Variants in DPY19L3 observed in about 807,000 individuals in gnomAD.
DPY19L3 encodes protein C-mannosyl-transferase DPY19L3.
A neutral mutation model predicts 92.3 loss-of-function variants in DPY19L3; 51 were observed. That is an observed-to-expected ratio of 0.55 (90% CI 0.44 to 0.70). The LOEUF (loss-of-function observed/expected upper bound fraction) is 0.70. DPY19L3 is among the 30% of genes least tolerant of loss of function. DPY19L3 has a pLI of 0.00. For synonymous variants in DPY19L3, 309 were observed against 315.2 expected, an observed-to-expected ratio of 0.98 and a Z score of 0.21; for missense variants, 706 against 855.9, an observed-to-expected ratio of 0.82 and a Z score of 2.18.
At position 32,436,644 on chromosome 19, in the gene DPY19L3, C is replaced by A. The variant is rs547592389; in HGVS notation, c.450+77C>A. 1.5e-5 allele frequency: 19 copies of A among 1,232,312 alleles called. No homozygotes were observed. In the East Asian group the frequency reaches 4.6e-4, roughly 30 times the overall value. 76.3% of individuals were successfully genotyped at this position (1,232,312 alleles called of 1,614,324 possible). ...CATTTTGAACTGAAAGTTATCACAT[C>A]GTTCTTTCTGATCTTCAACTGGTTT... On this transcript the variant is annotated intron_variant, in intron 5 of 18. Coordinates refer to ENST00000392250, the MANE Select transcript of DPY19L3 (RefSeq NM_001172774.2).
chr19:32,460,055 GT>G (rs1969988432), intron 12 of DPY19L3, among the ~76,000 whole-genome samples: 1 of 152,120 alleles, frequency 6.6e-6, no homozygotes, highest in Non-Finnish European at 1.5e-5. Context: ...ACTGTAGGCA[GT>G]TGTAACACAA....
At chr19:32,435,039 G>C (rs1447959825) in intron 4 of DPY19L3, among the ~76,000 whole-genome samples, 3 of 152,244 alleles carry the variant, frequency 2.0e-5, no homozygotes, top group African/African-American at 7.2e-5. Flanking sequence ...CTCCCTTTTG[G>C]AGGCTAGAAG....
At position 32,411,109 on chromosome 19, in the gene DPY19L3, C is replaced by T. The variant is rs1404075494; in HGVS notation, c.104-130C>T. On this transcript the variant is annotated intron_variant, in intron 2 of 18. Coordinates refer to ENST00000392250, the MANE Select transcript of DPY19L3 (RefSeq NM_001172774.2). The stretch of plus-strand genomic sequence containing the variant: ...GTCTGTGGAATCAGAAAGGACCCTC[C>T]GCTGGAGACAGGAAAAGCTTTCCCA... The T allele has an allele frequency of 2.7e-5, 24 of 894,960 alleles. No homozygotes were observed. The East Asian group carries it at 3.3e-4, about 12-fold the overall frequency. The allele number at this position is 894,960 out of a possible 1,614,324, so 55.4% of individuals were successfully genotyped here. A position where few individuals can be genotyped will look rare whatever the true frequency, so the allele number is the denominator to read the frequency against.
At chr19:32,443,533 C>A (rs745791640) in intron 8 of DPY19L3, among the ~76,000 whole-genome samples, 35 of 152,250 alleles carry the variant, frequency 2.3e-4, no homozygotes, top group Non-Finnish European at 2.9e-4. Flanking sequence ...CATCAGTGAA[C>A]CAGGAAATAA....
chr19:32,461,742 A>G (rs11084650), intron 12 of DPY19L3, among the ~76,000 whole-genome samples: 59,593 of 152,102 alleles, frequency 0.39, 13,717 homozygotes, highest in Non-Finnish European at 0.53. Flanking sequence ...TCTATTGGGT[A>G]TGTATGAAGG....
chr19:32,463,978 A>G lies in DPY19L3; in HGVS notation c.1555A>G (p.Arg519Gly). Residue 519 changes from arginine to glycine, a missense_variant and splice_region_variant, in exon 14 of 19, where the codon AGG becomes GGG. Arg to Gly is a moderately radical substitution (Grantham distance 125). Transcript: ENST00000392250. ...GTCAGTCCATCTTTATAACCCAAAG[A>G]GGGTCAGTGTCATCCCTTTTTCCAT... The part of the protein sequence containing the change: ...LKSVHLYNPK[R>G]ICIMRYSVPI... 1 of 1,605,086 alleles carries G rather than the reference A, an allele frequency of 6.2e-7. No homozygotes were observed.
intron 9 of DPY19L3, 87 bp downstream of exon 9, chr19:32,453,363 G>A: frequency 7.4e-7 from 1 of 1,358,960 alleles, no homozygotes; most frequent in East Asian, 2.4e-5. Flanking sequence ...AGCATACAAA[G>A]GGAAATTTAC....
intron 3 of DPY19L3, chr19:32,412,345 GA>G (rs1157842184): frequency 1.4e-5 from 2 of 146,306 alleles, no homozygotes; most frequent in Non-Finnish European, 3.0e-5. Context: ...TAGTAGGGTT[GA>G]GGATTGTTTT....
intron 3 of DPY19L3, among the ~76,000 whole-genome samples, chr19:32,425,465 C>G (rs1968726301): frequency 6.6e-6 from 1 of 152,064 alleles, no homozygotes; most frequent in Non-Finnish European, 1.5e-5. Flanking sequence ...ACAGAAGGAT[C>G]ACTTGAACCC....
intron 15 of DPY19L3, among the ~76,000 whole-genome samples, chr19:32,466,295 G>C (rs1970198011): frequency 6.6e-6 from 1 of 152,208 alleles, no homozygotes; most frequent in African/African-American, 2.4e-5. Flanking sequence ...ACATGCATGT[G>C]TTTGGGTCCC....
intron 3 of DPY19L3, among the ~76,000 whole-genome samples, chr19:32,422,030 T>C (rs1229905108): frequency 6.6e-6 from 1 of 152,216 alleles, no homozygotes; most frequent in Non-Finnish European, 1.5e-5. Flanking sequence ...ACCTGAGCTG[T>C]GTGCCTGGCC....
chr19:32,427,030 G>T (rs77306472), intron 3 of DPY19L3, among the ~76,000 whole-genome samples: 4,801 of 152,238 alleles, frequency 0.032, 95 homozygotes, highest in Middle Eastern at 0.092. Context: ...ATCTTGCTCT[G>T]TCTCCCAGTC....
chr19:32,451,693 CTT>C (rs1160241174), intron 8 of DPY19L3, among the ~76,000 whole-genome samples: 1 of 151,994 alleles, frequency 6.6e-6, no homozygotes, highest in East Asian at 1.9e-4. Flanking sequence ...TAGGGACTGC[CTT>C]TTTTTTCTTT....
chr19:32,419,114 G>C (rs1968474101), intron 3 of DPY19L3, among the ~76,000 whole-genome samples: 1 of 150,110 alleles, frequency 6.7e-6, no homozygotes, highest in Non-Finnish European at 1.5e-5. Flanking sequence ...TCTGTTACAT[G>C]CTTGGAACTA....
chr19:32,439,900 C>T lies in DPY19L3; in HGVS notation c.845C>T (p.Pro282Leu). Residue 282 changes from proline to leucine, a missense_variant, in exon 8 of 19, where the codon CCA (proline) becomes CTA (leucine). Coordinates refer to ENST00000392250, the MANE Select transcript of DPY19L3 (RefSeq NM_001172774.2). ...LFTLDSLDML[P>L]AVKATWLYGI... ...ACACTGGACTCCCTGGACATGCTGC[C>T]AGCAGTGAAGGTGAGCTTTGCTTTC... The T allele has an allele frequency of 6.2e-7, 1 of 1,612,882 alleles. No individual in the cohort carries two copies. The highest frequency in any genetic ancestry group is 8.5e-7 in the Non-Finnish European group (1 of 1,179,558).
chr19:32,447,754 T>G (rs1376065263), intron 8 of DPY19L3, among the ~76,000 whole-genome samples: 2 of 148,450 alleles, frequency 1.3e-5, no homozygotes, highest in Admixed American at 6.7e-5. Flanking sequence ...GATAGATAGA[T>G]AGATAGATAG....
At chr19:32,477,135 G>A (rs1039845842) in intron 16 of DPY19L3, among the ~76,000 whole-genome samples, 1 of 152,064 alleles carries the variant, frequency 6.6e-6, no homozygotes, top group Non-Finnish European at 1.5e-5. Flanking sequence ...GTGGGTCTTG[G>A]CCTAGAAGCC....
intron 8 of DPY19L3, among the ~76,000 whole-genome samples, chr19:32,446,344 CAAAA>C (rs749787352): frequency 6.7e-6 from 1 of 148,500 alleles, no homozygotes; most frequent in Non-Finnish European, 1.5e-5. Flanking sequence ...AGCAAGCAAA[CAAAA>C]AAGAATAAAA....
chr19:32,456,146 G>GCT (rs1969859616), intron 10 of DPY19L3, among the ~76,000 whole-genome samples: 1 of 139,060 alleles, frequency 7.2e-6, no homozygotes, highest in Non-Finnish European at 1.5e-5. Flanking sequence ...TGTGGTCATG[G>GCT]CTCACTGCAG....
Sources: allele counts gnomAD v4.1 joint callset (sites outside exome capture counted in the v4.1 genomes callset), GRCh38; gene constraint gnomAD v4.1.1; transcripts MANE v1.5; gene names NCBI Gene and HGNC (gene_info 2026-07-23, HGNC 2026-07-21).